CSMD1: variants seen among roughly 807,000 people sequenced by gnomAD.
The protein encoded by CSMD1 is CUB and sushi domain-containing protein 1.
In CSMD1, 213 loss-of-function variants were observed where a neutral mutation model predicts 417.5. The observed-to-expected ratio is 0.51, with a 90% CI of 0.46 to 0.57. The LOEUF is 0.57. Ranked by LOEUF, CSMD1 falls within the 20% of genes least tolerant of loss-of-function variation. The pLI is 0.00. For missense variants in CSMD1, 6,923 were observed against 4,529.7 expected (o/e 1.53, Z -15.17); for synonymous variants, 2,862 against 1,736.8 (o/e 1.65, Z -16.11).
At chr8:4,912,061 A>ACCTAAAT (rs1386199901) in intron 1 of CSMD1, among the ~76,000 whole-genome samples, 1 of 147,048 alleles carries the variant, frequency 6.8e-6, no homozygotes, top group Non-Finnish European at 1.5e-5. Context: ...AAAAGAAAAA[A>ACCTAAAT]CCTAAATCCC....
intron 5 of CSMD1, among the ~76,000 whole-genome samples, chr8:3,842,733 A>T (rs1244128651): frequency 2.0e-5 from 3 of 152,168 alleles, no homozygotes; most frequent in Admixed American, 2.0e-4. Context: ...GTCAAGATTA[A>T]AATTGGGAAA....
At chr8:3,302,982 T>C (rs1179330463) in intron 25 of CSMD1, among the ~76,000 whole-genome samples, 1 of 152,150 alleles carries the variant, frequency 6.6e-6, no homozygotes, top group Non-Finnish European at 1.5e-5. Flanking sequence ...GAGCCCCAGG[T>C]TAAAGGGGGT....
chr8:3,722,228 G>A (rs1802220899), intron 6 of CSMD1, among the ~76,000 whole-genome samples: 1 of 152,052 alleles, frequency 6.6e-6, no homozygotes, highest in African/African-American at 2.4e-5. Flanking sequence ...AGAATTGCTT[G>A]ACCAGGGAGG....
At chr8:3,267,660 A>G (rs1269492177) in intron 26 of CSMD1, among the ~76,000 whole-genome samples, 1 of 152,244 alleles carries the variant, frequency 6.6e-6, no homozygotes, top group East Asian at 1.9e-4. Flanking sequence ...ACATACAGTG[A>G]GGAAGCAGGG....
At chr8:3,564,753 C>A (rs968096641) in intron 10 of CSMD1, among the ~76,000 whole-genome samples, 51 of 130,446 alleles carry the variant, frequency 3.9e-4, no homozygotes, top group Admixed American at 3.3e-3. Context: ...ACACAAAAAA[C>A]CCAAAAAACC....
chr8:4,741,666 G>A lies in CSMD1; in HGVS notation c.86-104108C>T, dbSNP rs1271543231. Among the ~76,000 whole-genome samples the A allele has an allele frequency of 4.6e-5, 7 of 152,130 alleles. No homozygotes were observed. The East Asian group carries it at 9.6e-4, about 21-fold the overall frequency. On this transcript the variant is annotated intron_variant, in intron 1 of 69. Transcript: ENST00000635120. ...GAGTTTACTTAGGAATTTAAGATCC[G>A]TTCAGTAAATCACATCTTTTCCATT...
intron 5 of CSMD1, among the ~76,000 whole-genome samples, chr8:3,954,319 A>C (rs942477760): frequency 6.6e-6 from 1 of 152,194 alleles, no homozygotes; most frequent in African/African-American, 2.4e-5. Flanking sequence ...ATGCACGCGA[A>C]GGCTGAAGAG....
chr8:3,350,189 C>G (rs145196890), intron 21 of CSMD1, among the ~76,000 whole-genome samples: 1,723 of 121,610 alleles, frequency 0.014, 209 homozygotes, highest in Non-Finnish European at 0.023. Flanking sequence ...TAACCTATAA[C>G]TTGTGTATGT....
intron 1 of CSMD1, among the ~76,000 whole-genome samples, chr8:4,733,553 C>T (rs1432591029): frequency 6.6e-6 from 1 of 152,206 alleles, no homozygotes; most frequent in Non-Finnish European, 1.5e-5. Context: ...CCCATTTAAA[C>T]TGACAAAGCT....
chr8:4,646,863 G>T (rs369684695), intron 1 of CSMD1, among the ~76,000 whole-genome samples: 36 of 152,312 alleles, frequency 2.4e-4, no homozygotes, highest in African/African-American at 7.0e-4. Context: ...AAATTATACA[G>T]ATATGGAGAC....
intron 3 of CSMD1, among the ~76,000 whole-genome samples, chr8:4,204,984 A>G (rs1799890617): frequency 1.3e-5 from 2 of 152,174 alleles, no homozygotes; most frequent in East Asian, 1.9e-4. Context: ...TCTTATTATA[A>G]TAAGAATAAT....
At chr8:4,275,938 G>C (rs1426788427) in intron 3 of CSMD1, among the ~76,000 whole-genome samples, 1 of 152,116 alleles carries the variant, frequency 6.6e-6, no homozygotes, top group Non-Finnish European at 1.5e-5. Context: ...TGTGTAAAAA[G>C]GAAACCATGA....
At chr8:4,916,562 A>C (rs1284835620) in intron 1 of CSMD1, among the ~76,000 whole-genome samples, 1 of 152,228 alleles carries the variant, frequency 6.6e-6, no homozygotes, top group Non-Finnish European at 1.5e-5. Flanking sequence ...TGGCACTCAA[A>C]TACTGCCCTG....
At chr8:4,177,428 G>A (rs554912499) in intron 3 of CSMD1, among the ~76,000 whole-genome samples, 4 of 151,910 alleles carry the variant, frequency 2.6e-5, no homozygotes, top group Admixed American at 2.6e-4. Context: ...CACATTCAAA[G>A]CAGTGTGTAG....
Position 4,084,368 on chromosome 8 carries a change from C to G in CSMD1, c.416-52269G>C, listed in dbSNP as rs1450603125. On this transcript the variant is annotated intron_variant, in intron 3 of 69. Transcript: ENST00000635120. ...AACAAACTACAACCATAAATGCAAT[C>G]TAGAATTAGAAACAATATGCGATTT... is the stretch of plus-strand genomic sequence containing the variant. 2.0e-5 allele frequency among the ~76,000 whole-genome samples: 3 copies of G among 151,590 alleles called. No individual in the cohort carries two copies. In the East Asian group the frequency reaches 5.8e-4, roughly 29 times the overall value.
At chr8:3,274,878 G>T (rs1010469389) in intron 26 of CSMD1, among the ~76,000 whole-genome samples, 3 of 152,074 alleles carry the variant, frequency 2.0e-5, no homozygotes, top group African/African-American at 7.2e-5. Flanking sequence ...TTGACTCTGT[G>T]TCCAGTTTGC....
At chr8:4,160,713 T>G (rs759704059) in intron 3 of CSMD1, among the ~76,000 whole-genome samples, 2 of 152,234 alleles carry the variant, frequency 1.3e-5, no homozygotes, top group Non-Finnish European at 2.9e-5. Flanking sequence ...TCTTGCCTTG[T>G]GGCAAGTTGC....
chr8:4,272,836 G>A (rs1237219392), intron 3 of CSMD1, among the ~76,000 whole-genome samples: 2 of 152,072 alleles, frequency 1.3e-5, no homozygotes, highest in South Asian at 2.1e-4. Context: ...TATCAGTCTT[G>A]ATGAATAAGT....
At chr8:4,116,876 AAAG>A (rs1370646742) in intron 3 of CSMD1, among the ~76,000 whole-genome samples, 1 of 152,068 alleles carries the variant, frequency 6.6e-6, no homozygotes, top group Non-Finnish European at 1.5e-5. Flanking sequence ...TGTGCCAGAA[AAAG>A]AATAAGCTTT....
Sources: allele counts gnomAD v4.1 joint callset (sites outside exome capture counted in the v4.1 genomes callset), GRCh38; gene constraint gnomAD v4.1.1; transcripts MANE v1.5; gene names NCBI Gene and HGNC (gene_info 2026-07-23, HGNC 2026-07-21).